The following OR51B5 variants were observed in gnomAD, a reference collection of about 807,000 sequenced individuals.
The protein encoded by OR51B5 is olfactory receptor 51B5.
For missense variants in OR51B5, 456 were observed against 374.6 expected (o/e 1.22, Z -1.79); for synonymous variants, 186 against 144.8 (o/e 1.28, Z -2.04).
rs751313549 is a variant in OR51B5 at position 5,389,455 on chromosome 11, G to C, written n.85-42545C>G. On this transcript the variant is annotated intron_variant and non_coding_transcript_variant, in intron 1 of 4. Coordinates refer to the OR51B5 transcript ENST00000415970. Reference sequence around the variant, plus strand: ...TCATGCTGCTATCCAACATTACTCAGTTTAGCCCCATATTCTATCTCACCA... The same window carrying C: ...TCATGCTGCTATCCAACATTACTCACTTTAGCCCCATATTCTATCTCACCA... The C allele has an allele frequency of 2.7e-5, 43 of 1,613,788 alleles. 1 individual carries two copies. The highest frequency in any genetic ancestry group is 3.1e-5 in the Non-Finnish European group (36 of 1,179,830).
chr11:5,383,199 CA>C (rs1220628535), intron 1 of OR51B5, among the ~76,000 whole-genome samples: 1 of 152,004 alleles, frequency 6.6e-6, no homozygotes, highest in Admixed American at 6.6e-5. Context: ...CCAGTGCATT[CA>C]AAGATGAAGT....
At chr11:5,443,756 C>A (rs987214609) in intron 1 of OR51B5, among the ~76,000 whole-genome samples, 1 of 152,006 alleles carries the variant, frequency 6.6e-6, no homozygotes, top group Admixed American at 6.6e-5. Flanking sequence ...AACATTTTTT[C>A]TTTGCTTTGT....
chr11:5,492,146 A>G lies in OR51B5; in HGVS notation n.84+13423T>C, dbSNP rs16931690. ...AGCACTGGTAAGGCCCTGAAGAACT[A>G]CCCTGCCAAGTTCTCCCCAATTCCA... On this transcript the variant is annotated intron_variant and non_coding_transcript_variant, in intron 1 of 4. Coordinates refer to the OR51B5 transcript ENST00000415970. Among the ~76,000 whole-genome samples, 1,115 of 152,196 alleles carry G rather than the reference A, an allele frequency of 7.3e-3. 16 individuals carry two copies. The highest frequency in any genetic ancestry group is 0.026 in the African/African-American group (1,069 of 41,522).
chr11:5,423,203 G>C, intron 1 of OR51B5: 1 of 1,479,790 alleles, frequency 6.8e-7, no homozygotes, highest in Non-Finnish European at 9.0e-7. Flanking sequence ...TAGGCTTAAG[G>C]GGGGAATATA....
chr11:5,488,575 A>G lies in OR51B5; in HGVS notation n.84+16994T>C, dbSNP rs888954075. 10 of 709,080 alleles carry G rather than the reference A, an allele frequency of 1.4e-5. No individual in the cohort carries two copies. In the African/African-American group the frequency reaches 1.8e-4, roughly 13 times the overall value. The allele number at this position is 709,080 out of a possible 1,614,324, so 43.9% of individuals were successfully genotyped here. A position where few individuals can be genotyped will look rare whatever the true frequency, so the allele number is the denominator to read the frequency against. ...TTTCAGATGTTTGTACAAGTGAAAA[A>G]CAAATTTTTTTAGTCTAAAAAAGAT... On this transcript the variant is annotated intron_variant and non_coding_transcript_variant, in intron 1 of 4. Coordinates refer to the OR51B5 transcript ENST00000415970.
At chr11:5,441,367 G>A in intron 1 of OR51B5, 2 of 1,613,978 alleles carry the variant, frequency 1.2e-6, no homozygotes, top group African/African-American at 1.3e-5. Context: ...CAAAACACCA[G>A]AGTGAGAATG....
At chr11:5,431,117 TTGGAAG>T in intron 1 of OR51B5, 1 of 415,818 alleles carries the variant, frequency 2.4e-6, no homozygotes, top group South Asian at 1.8e-5. Context: ...CTCAAAAGGA[TTGGAAG>T]TGGGGCCATG....
intron 1 of OR51B5, among the ~76,000 whole-genome samples, chr11:5,415,567 G>C (rs941872408): frequency 1.3e-5 from 2 of 152,076 alleles, no homozygotes; most frequent in East Asian, 1.9e-4. Flanking sequence ...GAATCAAATA[G>C]ATGCAATGAA....
intron 1 of OR51B5, among the ~76,000 whole-genome samples, chr11:5,373,219 A>T (rs867407490): frequency 3.3e-5 from 5 of 152,208 alleles, no homozygotes; most frequent in African/African-American, 1.2e-4. Context: ...CTGGAAGAAC[A>T]TGTATAGAGA....
intron 1 of OR51B5, among the ~76,000 whole-genome samples, chr11:5,414,223 A>T (rs1850197556): frequency 4.0e-5 from 6 of 151,844 alleles, no homozygotes; most frequent in Admixed American, 3.9e-4. Context: ...TTTACAGACA[A>T]GCAAATGCTG....
intron 1 of OR51B5, among the ~76,000 whole-genome samples, chr11:5,424,965 G>T (rs1850424944): frequency 1.2e-5 from 1 of 83,756 alleles, no homozygotes; most frequent in Non-Finnish European, 2.7e-5. Context: ...CTGGGCGACA[G>T]AGTGAGACTC....
chr11:5,353,632 C>A (rs944131427), intron 1 of OR51B5, among the ~76,000 whole-genome samples: 17 of 152,172 alleles, frequency 1.1e-4, no homozygotes, highest in African/African-American at 3.9e-4. Flanking sequence ...GTATCCATGA[C>A]TCAAATGATA....
chr11:5,453,639 G>T, intron 1 of OR51B5: 1 of 1,613,712 alleles, frequency 6.2e-7, no homozygotes, highest in Non-Finnish European at 8.5e-7. Context: ...GGCTGTGCGA[G>T]TGGAGCCCAG....
At chr11:5,397,254 A>C (rs1328978768) in intron 1 of OR51B5, among the ~76,000 whole-genome samples, 3 of 152,214 alleles carry the variant, frequency 2.0e-5, no homozygotes, top group African/African-American at 7.2e-5. Context: ...AACTACCATC[A>C]GAGTGAACAG....
chr11:5,478,201 C>T (rs1447666355), intron 1 of OR51B5, among the ~76,000 whole-genome samples: 1 of 152,022 alleles, frequency 6.6e-6, no homozygotes, highest in African/African-American at 2.4e-5. Flanking sequence ...GGGTCCCTGA[C>T]CCCTGAACCC....
chr11:5,342,538 A>C (rs1423228300), downstream of OR51B5: 1 of 1,522,456 alleles, frequency 6.6e-7, no homozygotes, highest in African/African-American at 1.4e-5. Flanking sequence ...TCTCCTGCTA[A>C]ATATTAGAGT....
At chr11:5,441,614 G>C in intron 1 of OR51B5, 2 of 863,960 alleles carry the variant, frequency 2.3e-6, no homozygotes. Context: ...GTCATAGATT[G>C]AAAATGATTG....
At chr11:5,446,526 GTCCTTTAAACTAACCCCAAGCATCTTTT>G (rs1850766107) in intron 1 of OR51B5, among the ~76,000 whole-genome samples, 1 of 152,108 alleles carries the variant, frequency 6.6e-6, no homozygotes, top group African/African-American at 2.4e-5. Context: ...TGATATCAAT[GTCCTTTAAACTAACCCCAAGCATCTTTT>G]ATATCAACTC....
At chr11:5,412,934 G>T (rs963865786) in intron 1 of OR51B5, among the ~76,000 whole-genome samples, 2 of 152,082 alleles carry the variant, frequency 1.3e-5, no homozygotes, top group African/African-American at 4.8e-5. Context: ...GCCTTGAAAA[G>T]AGCAGTGGTT....
Sources: allele counts gnomAD v4.1 joint callset (sites outside exome capture counted in the v4.1 genomes callset), GRCh38; gene constraint gnomAD v4.1.1; transcripts MANE v1.5; gene names NCBI Gene and HGNC (gene_info 2026-07-23, HGNC 2026-07-21).